The following MAMDC2 variants were observed in gnomAD, a reference collection of about 807,000 sequenced individuals.
MAMDC2 encodes MAM domain containing 2.
MAMDC2 carries 57 observed loss-of-function variants against 89.8 expected under a neutral mutation model. The ratio of observed to expected loss-of-function variants is 0.63; its 90% CI spans 0.51 to 0.79. MAMDC2 has a LOEUF of 0.79. Among genes scored for constraint, MAMDC2 ranks in the 30% least tolerant of loss-of-function variants. MAMDC2 has a pLI of 0.00. For missense variants in MAMDC2, 800 were observed against 820.6 expected, an observed-to-expected ratio of 0.97 and a Z score of 0.31; for synonymous variants, 313 against 293.4, an observed-to-expected ratio of 1.07 and a Z score of -0.68.
chr9:70,148,429 G>T (rs1009962662), intron 9 of MAMDC2, among the ~76,000 whole-genome samples: 3 of 150,236 alleles, frequency 2.0e-5, no homozygotes, highest in Non-Finnish European at 4.4e-5. Flanking sequence ...CCCCAAGTCT[G>T]CCACTTACTA....
In MAMDC2 at chr9:70,044,296, C is replaced by T. The variant is rs1448909511; in HGVS notation, c.34+65C>T. ...ACGACTCGCCCCCGCTCCTGCTGCC[C>T]CCGGGGGTCCGGCTCACCGTGCTGG... On this transcript the variant is annotated intron_variant, in intron 1 of 13. Coordinates refer to ENST00000377182, the MANE Select transcript of MAMDC2 (RefSeq NM_153267.5). 6.4e-6 allele frequency: 10 copies of T among 1,551,018 alleles called. No homozygotes were observed. The African/African-American group carries it at 8.1e-5, about 13-fold the overall frequency.
intron 7 of MAMDC2, among the ~76,000 whole-genome samples, chr9:70,136,771 G>GT (rs1386332803): frequency 9.9e-5 from 15 of 152,214 alleles, no homozygotes; most frequent in South Asian, 2.1e-4. Context: ...ATTTTTATTT[G>GT]TTTTTTTATT....
At chr9:70,187,458 G>A (rs1044029402) in intron 11 of MAMDC2, among the ~76,000 whole-genome samples, 2 of 151,846 alleles carry the variant, frequency 1.3e-5, no homozygotes, top group African/African-American at 4.8e-5. Flanking sequence ...TTTTGAGATG[G>A]AATTTGCATT....
At chr9:70,123,915 C>G (rs1459486710) in intron 5 of MAMDC2, among the ~76,000 whole-genome samples, 3 of 152,234 alleles carry the variant, frequency 2.0e-5, no homozygotes, top group African/African-American at 7.2e-5. Context: ...TCCTTGACTT[C>G]TGGACTCCAG....
intron 11 of MAMDC2, among the ~76,000 whole-genome samples, chr9:70,199,003 T>A (rs2118623651): frequency 6.6e-6 from 1 of 152,224 alleles, no homozygotes. Context: ...TAGCTCCAGA[T>A]TATTAAAGTC....
chr9:70,126,161 CA>C lies in MAMDC2; in HGVS notation c.647del (p.His216ProfsTer10), dbSNP rs760692966. 6.2e-7 allele frequency: 1 copy of C among 1,610,218 alleles called. No individual in the cohort carries two copies. The highest frequency in any genetic ancestry group is 1.1e-5 in the South Asian group (1 of 90,740). ...QDHTFKSELG[H>X]YMYVDSVYVK... ...TGCTCTGTCTGTGTGATTTTCAGGCCACTACATGTACGTGGACTCAGTTTAT... is the reference window on the plus strand; with the variant it reads ...TGCTCTGTCTGTGTGATTTTCAGGCCCTACATGTACGTGGACTCAGTTTAT... On this transcript the variant is annotated frameshift_variant, in exon 6 of 14. Coordinates refer to ENST00000377182, the MANE Select transcript of MAMDC2 (RefSeq NM_153267.5). LOFTEE classifies it high-confidence loss of function.
At chr9:70,189,162 T>C (rs1020824073) in intron 11 of MAMDC2, among the ~76,000 whole-genome samples, 1 of 152,206 alleles carries the variant, frequency 6.6e-6, no homozygotes, top group African/African-American at 2.4e-5. Flanking sequence ...TGGTACTTTT[T>C]ATTTCTTCAT....
chr9:70,216,789 T>C (rs1249658460), intron 11 of MAMDC2, among the ~76,000 whole-genome samples: 1 of 152,216 alleles, frequency 6.6e-6, no homozygotes, highest in Non-Finnish European at 1.5e-5. Flanking sequence ...TACCAGTGAA[T>C]TACTCTAGAA....
At chr9:70,175,766 C>A (rs2032479178) in intron 11 of MAMDC2, 1 of 152,166 alleles carries the variant, frequency 6.6e-6, no homozygotes, top group Non-Finnish European at 1.5e-5. Context: ...GGTCTGGCAG[C>A]TTAAAGTCCA....
At chr9:70,064,502 C>T (rs1243895504) in intron 2 of MAMDC2, among the ~76,000 whole-genome samples, 1 of 152,200 alleles carries the variant, frequency 6.6e-6, no homozygotes, top group African/African-American at 2.4e-5. Flanking sequence ...CTGTAAGGAA[C>T]CACTACAACC....
intron 11 of MAMDC2, among the ~76,000 whole-genome samples, chr9:70,203,844 G>A (rs370511000): frequency 0.048 from 5,595 of 117,278 alleles, 163 homozygotes; most frequent in South Asian, 0.076. Flanking sequence ...CCAGTTGATC[G>A]CATCGGCTCC....
intron 4 of MAMDC2, among the ~76,000 whole-genome samples, chr9:70,110,598 G>A (rs1191561927): frequency 6.6e-6 from 1 of 152,162 alleles, no homozygotes; most frequent in African/African-American, 2.4e-5. Flanking sequence ...GGTGTTTGAA[G>A]TGAGACCAGG....
chr9:70,204,081 T>A (rs2118641031), intron 11 of MAMDC2, among the ~76,000 whole-genome samples: 1 of 151,964 alleles, frequency 6.6e-6, no homozygotes, highest in African/African-American at 2.4e-5. Context: ...CCATCCAGCT[T>A]TGTTCTGTTG....
rs181742117 is a variant in MAMDC2 at position 70,117,610 on chromosome 9, A to T, written c.643+4478A>T. ...ATCCCAGAATTTAAAGTATAATTTT[A>T]AAAAAATGATGCTTTAAAAAAAAAA... On this transcript the variant is annotated intron_variant, in intron 5 of 13. Coordinates refer to ENST00000377182, the MANE Select transcript of MAMDC2 (RefSeq NM_153267.5). 3.9e-3 allele frequency among the ~76,000 whole-genome samples: 588 copies of T among 152,262 alleles called. 3 individuals are homozygous for T. Among genetic ancestry groups the T allele is most frequent in the South Asian group, 0.013 (64 of 4,826 alleles).
chr9:70,224,185 A>G (rs1158641106), intron 12 of MAMDC2, among the ~76,000 whole-genome samples: 5 of 141,030 alleles, frequency 3.5e-5, no homozygotes, highest in African/African-American at 5.2e-5. Flanking sequence ...AGCACTGTGT[A>G]TTAATCAGTG....
intron 2 of MAMDC2, among the ~76,000 whole-genome samples, chr9:70,082,312 T>G (rs547565242): frequency 6.6e-6 from 1 of 152,280 alleles, no homozygotes; most frequent in African/African-American, 2.4e-5. Flanking sequence ...GATAAGATGG[T>G]GTGGGTAACA....
chr9:70,078,819 G>A (rs1264624197), intron 2 of MAMDC2, among the ~76,000 whole-genome samples: 2 of 151,992 alleles, frequency 1.3e-5, no homozygotes, highest in African/African-American at 4.8e-5. Context: ...AAGAAACAAT[G>A]GGTAGCCAAG....
intron 11 of MAMDC2, chr9:70,217,326 GA>G: frequency 7.2e-7 from 1 of 1,388,808 alleles, no homozygotes; most frequent in South Asian, 1.2e-5. Context: ...TTTCCAAGAG[GA>G]ATCCTTGGCA....
intron 11 of MAMDC2, among the ~76,000 whole-genome samples, chr9:70,195,621 A>G (rs2032961584): frequency 1.3e-5 from 2 of 152,042 alleles, no homozygotes; most frequent in African/African-American, 4.8e-5. Context: ...CAGCATGCGA[A>G]TCACCCATTT....
Sources: gnomAD v4.1 joint callset for allele counts (sites outside exome capture counted in the v4.1 genomes callset) on GRCh38, gnomAD v4.1.1 for gene constraint, MANE v1.5 for transcripts, NCBI Gene and HGNC (gene_info 2026-07-23, HGNC 2026-07-21) for gene names.